Variants in PCDHGA9 observed in about 807,000 individuals in gnomAD.
PCDHGA9 encodes the protein protocadherin gamma subfamily A, 9.
Under a neutral mutation model 62.5 loss-of-function variants are expected in PCDHGA9, and 37 were observed. The observed-to-expected ratio is 0.59, with a 90% CI of 0.46 to 0.78. The LOEUF is 0.78. PCDHGA9 is among the 30% of genes least tolerant of loss of function. The pLI, the probability that PCDHGA9 is intolerant of heterozygous loss-of-function variation, is 0.00. For synonymous variants in PCDHGA9, 459 were observed against 484.6 expected, an observed-to-expected ratio of 0.95 and a Z score of 0.69; for missense variants, 1,138 against 1,166.2, an observed-to-expected ratio of 0.98 and a Z score of 0.35.
At chr5:141,430,931 G>C (rs781580216) in intron 1 of PCDHGA9, 2 of 1,607,530 alleles carry the variant, frequency 1.2e-6, no homozygotes, top group Admixed American at 1.7e-5. Flanking sequence ...GGAGCCCCGG[G>C]AGCTCGCGGA....
At position 141,484,779 on chromosome 5, in the gene PCDHGA9, C is replaced by G. The variant is rs186158562; in HGVS notation, c.2425-10028C>G. On this transcript the variant is annotated intron_variant, in intron 1 of 3. Transcript: ENST00000573521. ...ATATATATATATGTTGTCTGCCTCCCCACAGAGATAACAACCCGTGGAAAA... is the reference window on the plus strand; with the variant it reads ...ATATATATATATGTTGTCTGCCTCCGCACAGAGATAACAACCCGTGGAAAA... Among the ~76,000 whole-genome samples, 137 of 152,130 alleles carry G rather than the reference C, an allele frequency of 9.0e-4. 1 individual carries two copies. Among genetic ancestry groups the G allele is most frequent in the Non-Finnish European group, 1.6e-3 (110 of 67,996 alleles).
At chr5:141,433,406 T>C (rs2097604777) in intron 1 of PCDHGA9, among the ~76,000 whole-genome samples, 1 of 149,982 alleles carries the variant, frequency 6.7e-6, no homozygotes, top group Non-Finnish European at 1.5e-5. Flanking sequence ...TATCTATCTA[T>C]TACTTTCTTG....
In PCDHGA9 at chr5:141,432,782, C is replaced by A. The variant is rs547164205; in HGVS notation, c.2424+27406C>A. 6.2e-7 allele frequency: 1 copy of A among 1,614,164 alleles called. No homozygotes were observed. Among genetic ancestry groups the A allele is most frequent in the African/African-American group, 1.3e-5 (1 of 75,052 alleles). ...CAGCATCCCCCAAGTCCTGGCGGAC[C>A]TCGGCAGCCTCGAGTCTCCAGCTAA... On this transcript the variant is annotated intron_variant, in intron 1 of 3. Coordinates refer to ENST00000573521, the MANE Select transcript of PCDHGA9 (RefSeq NM_018921.3). This position sits in a 1 kb window ranked among gnomAD's most constrained non-coding sequence, Gnocchi z 6.0.
chr5:141,486,894 C>T lies in PCDHGA9; in HGVS notation c.2425-7913C>T. 1 of 1,614,228 alleles carries T rather than the reference C, an allele frequency of 6.2e-7. No homozygotes were observed. Among genetic ancestry groups the T allele is most frequent in the Non-Finnish European group, 8.5e-7 (1 of 1,180,052 alleles). On this transcript the variant is annotated intron_variant, in intron 1 of 3. Transcript: ENST00000573521. The surrounding 1 kb of genome is among the most constrained non-coding windows in gnomAD (Gnocchi z 5.0). ...CTCCGTCCTCGGGCCCGGCCTGGTT[C>T]CTTATGTCCCCAAGCACTGCCTCCA...
rs1217388200 is a variant in PCDHGA9 at position 141,403,762 on chromosome 5, T to G, written c.810T>G (p.Asp270Glu). 6.2e-7 allele frequency: 1 copy of G among 1,613,854 alleles called. No homozygotes were observed. The highest frequency in any genetic ancestry group is 8.5e-7 in the Non-Finnish European group (1 of 1,179,882). ...TTACTGCAACAGCCAGCGACCTGGA[T>G]GAGGGAATCAACGGAAAAGTGGCAT... ...WLLTATASDL[D>E]EGINGKVAYK... Residue 270 changes from aspartate to glutamate, a missense_variant, in exon 1 of 4, where the codon GAT (aspartate) becomes GAG (glutamate). Transcript: ENST00000573521.
chr5:141,415,740 GT>G (rs57426385), intron 1 of PCDHGA9: 12,894 of 617,008 alleles, frequency 0.021, 1 homozygote, highest in South Asian at 0.027. Flanking sequence ...GTTTATTAAG[GT>G]TTTTTTTTTT....
intron 2 of PCDHGA9, among the ~76,000 whole-genome samples, chr5:141,501,700 C>T (rs936448354): frequency 6.6e-6 from 1 of 151,950 alleles, no homozygotes; most frequent in African/African-American, 2.4e-5. Flanking sequence ...AGGGTGATTC[C>T]GAGGATAAAA....
At position 141,432,579 on chromosome 5, in the gene PCDHGA9, G is replaced by T; in HGVS notation, c.2424+27203G>T. On this transcript the variant is annotated intron_variant, in intron 1 of 3. Coordinates refer to ENST00000573521, the MANE Select transcript of PCDHGA9 (RefSeq NM_018921.3). This position sits in a 1 kb window ranked among gnomAD's most constrained non-coding sequence, Gnocchi z 6.0. ...GGCCAGAACGCCTGGCTGTCCTACC[G>T]TCTGCTCAAGGCCAGCGAGCCGGGA... is the stretch of plus-strand genomic sequence containing the variant. 1 of 1,613,860 alleles carries T rather than the reference G, an allele frequency of 6.2e-7. No homozygotes were observed. Among genetic ancestry groups the T allele is most frequent in the Non-Finnish European group, 8.5e-7 (1 of 1,179,984 alleles).
intron 1 of PCDHGA9, among the ~76,000 whole-genome samples, chr5:141,473,431 G>T (rs541546681): frequency 3.3e-5 from 5 of 152,148 alleles, no homozygotes; most frequent in Non-Finnish European, 7.3e-5. Flanking sequence ...CAGATACTTT[G>T]CTTATGCAAA....
intron 1 of PCDHGA9, chr5:141,423,962 C>A: frequency 1.7e-6 from 2 of 1,168,402 alleles, no homozygotes; most frequent in South Asian, 4.2e-5. Context: ...TATTATTTTT[C>A]TATTATCAGT....
intron 1 of PCDHGA9, chr5:141,427,962 G>T: frequency 2.5e-6 from 4 of 1,590,100 alleles, no homozygotes; most frequent in Non-Finnish European, 3.4e-6. Flanking sequence ...TGTGCCGCGG[G>T]TGCTGTACCC....
chr5:141,456,020 C>T (rs2098840631), intron 1 of PCDHGA9, among the ~76,000 whole-genome samples: 1 of 151,834 alleles, frequency 6.6e-6, no homozygotes, highest in South Asian at 2.1e-4. Flanking sequence ...GCCTCAGCCT[C>T]CCGAGTAGCT....
At position 141,485,222 on chromosome 5, in the gene PCDHGA9, C is replaced by T; in HGVS notation, c.2425-9585C>T. On this transcript the variant is annotated intron_variant, in intron 1 of 3. Transcript: ENST00000573521. The surrounding 1 kb of genome is among the most constrained non-coding windows in gnomAD (Gnocchi z 5.7). The stretch of plus-strand genomic sequence containing the variant: ...GACAGAAATCTGGCGGTGGGCTACC[C>T]TTTTGTTCCTCTTTTACCACCTGGG... 4 of 1,614,196 alleles carry T rather than the reference C, an allele frequency of 2.5e-6. No homozygotes were observed. Among genetic ancestry groups the T allele is most frequent in the Non-Finnish European group, 2.5e-6 (3 of 1,180,020 alleles).
Position 141,431,560 on chromosome 5 carries a change from C to G in PCDHGA9, c.2424+26184C>G, listed in dbSNP as rs751276470. The G allele has an allele frequency of 6.2e-7, 1 of 1,613,986 alleles. No individual in the cohort carries two copies. The highest frequency in any genetic ancestry group is 1.7e-5 in the Admixed American group (1 of 60,016). On this transcript the variant is annotated intron_variant, in intron 1 of 3. Transcript: ENST00000573521. This position sits in a 1 kb window ranked among gnomAD's most constrained non-coding sequence, Gnocchi z 4.8. Reference sequence around the variant, plus strand: ...CGCAGCTGCTTGTAGTCAACGCTACCGACCCTGACGAAGGAGTCAATGCGG... The same window carrying G: ...CGCAGCTGCTTGTAGTCAACGCTACGGACCCTGACGAAGGAGTCAATGCGG...
chr5:141,430,458 A>G, intron 1 of PCDHGA9: 1 of 204,230 alleles, frequency 4.9e-6, no homozygotes, highest in Non-Finnish European at 9.7e-6. Context: ...GAAGAACAGT[A>G]GGTGGAGCTA....
rs768206517 is a variant in PCDHGA9 at position 141,432,482 on chromosome 5, G to C, written c.2424+27106G>C. 6.2e-7 allele frequency: 1 copy of C among 1,614,178 alleles called. No individual in the cohort carries two copies. Among genetic ancestry groups the C allele is most frequent in the South Asian group, 1.1e-5 (1 of 91,074 alleles). ...CCTCCCCACGGACGGTTCCACTGGC[G>C]TGGAGCTGGCTCCCCGCTCCGCAGA... On this transcript the variant is annotated intron_variant, in intron 1 of 3. Coordinates refer to ENST00000573521, the MANE Select transcript of PCDHGA9 (RefSeq NM_018921.3). The surrounding 1 kb of genome is among the most constrained non-coding windows in gnomAD (Gnocchi z 6.0).
Position 141,489,934 on chromosome 5 carries a change from G to A in PCDHGA9, c.2425-4873G>A, listed in dbSNP as rs777780708. 1.7e-5 allele frequency: 28 copies of A among 1,614,176 alleles called. No homozygotes were observed. Among genetic ancestry groups the A allele is most frequent in the East Asian group, 6.7e-5 (3 of 44,876 alleles). On this transcript the variant is annotated intron_variant, in intron 1 of 3. Coordinates refer to ENST00000573521, the MANE Select transcript of PCDHGA9 (RefSeq NM_018921.3). This position sits in a 1 kb window ranked among gnomAD's most constrained non-coding sequence, Gnocchi z 4.5. ...AGGGACCACCCTTATCTCTGTCATCGTGCTGGACATCAATGATAATGCTCC... is the reference window on the plus strand; with the variant it reads ...AGGGACCACCCTTATCTCTGTCATCATGCTGGACATCAATGATAATGCTCC...
At chr5:141,492,026 G>T in intron 1 of PCDHGA9, 1 of 567,198 alleles carries the variant, frequency 1.8e-6, no homozygotes, top group Non-Finnish European at 3.0e-6. Flanking sequence ...GGGGTCCCGG[G>T]AGGAGGCAGT....
Position 141,486,662 on chromosome 5 carries a change from C to T in PCDHGA9, c.2425-8145C>T. 6.2e-7 allele frequency: 1 copy of T among 1,613,970 alleles called. No homozygotes were observed. The highest frequency in any genetic ancestry group is 1.1e-5 in the South Asian group (1 of 91,086). ...GCTTATCTCCTACTCACTCCTGGAG[C>T]CCAGGAATCGAGATGTATCAGCTTC... On this transcript the variant is annotated intron_variant, in intron 1 of 3. Coordinates refer to ENST00000573521, the MANE Select transcript of PCDHGA9 (RefSeq NM_018921.3). The surrounding 1 kb of genome is among the most constrained non-coding windows in gnomAD (Gnocchi z 5.0).
Sources: allele counts gnomAD v4.1 joint callset (sites outside exome capture counted in the v4.1 genomes callset), GRCh38; gene constraint gnomAD v4.1.1; non-coding constraint Gnocchi (gnomAD v3.1); transcripts MANE v1.5; gene names NCBI Gene and HGNC (gene_info 2026-07-23, HGNC 2026-07-21).